CAMSAP1: variants seen among roughly 807,000 people sequenced by gnomAD.
CAMSAP1 encodes the protein calmodulin regulated spectrin associated protein 1.
In CAMSAP1, 58 loss-of-function variants were observed where a neutral mutation model predicts 143.5. The ratio of observed to expected loss-of-function variants is 0.40; its 90% CI spans 0.33 to 0.50. The LOEUF (loss-of-function observed/expected upper bound fraction) is 0.50, where lower values mean the gene tolerates loss of function less well. Ranked by LOEUF, CAMSAP1 falls within the 20% of genes least tolerant of loss-of-function variation. CAMSAP1 has a pLI of 0.45. For synonymous variants in CAMSAP1, 945 were observed against 859.3 expected, an observed-to-expected ratio of 1.10 and a Z score of -1.74; for missense variants, 1,969 against 2,115.7, an observed-to-expected ratio of 0.93 and a Z score of 1.36.
chr9:135,868,125 G>GA (rs921221261), intron 3 of CAMSAP1, among the ~76,000 whole-genome samples: 4,412 of 135,556 alleles, frequency 0.033, 122 homozygotes, highest in African/African-American at 0.074. Flanking sequence ...GTCTTTTTCA[G>GA]AAAAAAAAAC....
At chr9:135,891,921 A>T (rs1259926011) in intron 1 of CAMSAP1, among the ~76,000 whole-genome samples, 4 of 152,346 alleles carry the variant, frequency 2.6e-5, no homozygotes, top group East Asian at 1.9e-4. Flanking sequence ...GGATGCGCTC[A>T]ACAGAATGGC....
At chr9:135,836,353 C>T in intron 7 of CAMSAP1, 1 of 984,086 alleles carries the variant, frequency 1.0e-6, no homozygotes, top group African/African-American at 1.8e-5. Context: ...CGCAGCCACA[C>T]ATCACCACAT....
In CAMSAP1 at chr9:135,820,823, G is replaced by A; in HGVS notation, c.3822+16C>T. The A allele has an allele frequency of 6.2e-7, 1 of 1,609,970 alleles. No individual in the cohort carries two copies. Among genetic ancestry groups the A allele is most frequent in the Non-Finnish European group, 8.5e-7 (1 of 1,179,020 alleles). ...CACATCACGAGTGCCTGAAACAGAT[G>A]CTACCAATCCCTTACCTTGAAGAAG... On this transcript the variant is annotated intron_variant, in intron 11 of 16. Coordinates refer to ENST00000389532, the MANE Select transcript of CAMSAP1 (RefSeq NM_015447.4). The surrounding 1 kb of genome is among the most constrained non-coding windows in gnomAD (Gnocchi z 4.4).
In CAMSAP1 at chr9:135,822,446, C is replaced by G; in HGVS notation, c.2215G>C (p.Asp739His). 2 of 1,613,586 alleles carry G rather than the reference C, an allele frequency of 1.2e-6. No individual in the cohort carries two copies. The highest frequency in any genetic ancestry group is 1.7e-6 in the Non-Finnish European group (2 of 1,179,890). The change falls in exon 11 of 17, where the codon GAC becomes CAC. Residue 739 changes from aspartate (D) to histidine (H), a missense_variant. By Grantham distance (81) the Asp-to-His change is moderately conservative. This residue lies in a region of CAMSAP1 where 1,390 missense variants were observed against 1,420.8 expected (regional missense o/e 0.98). Transcript: ENST00000389532. This position sits in a 1 kb window ranked among gnomAD's most constrained non-coding sequence, Gnocchi z 6.1. ...EPWTLLRQDS[D>H]SDVVDIEEAE... ...TCCTCTATGTCCACCACATCCGAGT[C>G]AGAATCCTGCCTGAGGAGAGTCCAC...
rs973524079 is a variant in CAMSAP1 at position 135,836,747 on chromosome 9, A to G, written c.1046-9163T>C. 7.2e-6 allele frequency: 7 copies of G among 976,770 alleles called. No homozygotes were observed. In the African/African-American group the frequency reaches 1.2e-4, roughly 17 times the overall value. 60.5% of individuals were successfully genotyped at this position (976,770 alleles called of 1,614,324 possible). A position where few individuals can be genotyped will look rare whatever the true frequency, so the allele number is the denominator to read the frequency against. On this transcript the variant is annotated intron_variant, in intron 7 of 16. Coordinates refer to ENST00000389532, the MANE Select transcript of CAMSAP1 (RefSeq NM_015447.4). ...CGCACTTTCTACCCATTCCACAGCC[A>G]CACATTGTCACGTACCTTCTACCCT...
chr9:135,819,558 A>C (rs1353841131), intron 11 of CAMSAP1, among the ~76,000 whole-genome samples: 2 of 149,226 alleles, frequency 1.3e-5, no homozygotes, highest in Non-Finnish European at 3.0e-5. Flanking sequence ...AATTGGCTAG[A>C]TGTGGTGGCT....
At chr9:135,852,696 C>T (rs1418265846) in intron 5 of CAMSAP1, among the ~76,000 whole-genome samples, 1 of 152,190 alleles carries the variant, frequency 6.6e-6, no homozygotes, top group Non-Finnish European at 1.5e-5. Context: ...GAACCAAAAC[C>T]ACACTGTTTT....
rs181717362 is a variant in CAMSAP1, at chr9:135,823,301, C to T, written c.1401-41G>A. The T allele has an allele frequency of 5.3e-6, 8 of 1,514,924 alleles. No individual in the cohort carries two copies. The African/African-American group carries it at 9.8e-5, about 18-fold the overall frequency. The allele number at this position is 1,514,924 out of a possible 1,614,324, so 93.8% of individuals were successfully genotyped here. ...GGCCCACTGGGTGCGCTGCGGTATA[C>T]ACCAAAGACCCCCAACATGGACCAG... On this transcript the variant is annotated intron_variant, in intron 10 of 16. Transcript: ENST00000389532.
intron 1 of CAMSAP1, among the ~76,000 whole-genome samples, chr9:135,896,808 A>G (rs369546623): frequency 5.4e-4 from 82 of 152,290 alleles, no homozygotes; most frequent in Middle Eastern, 3.4e-3. Context: ...CTAATCCCCA[A>G]TGTGGCAGTG....
At chr9:135,906,892 C>T in intron 1 of CAMSAP1, 108 bp downstream of exon 1, 2 of 652,672 alleles carry the variant, frequency 3.1e-6, no homozygotes, top group African/African-American at 2.0e-5. Context: ...TGTGCGGACG[C>T]GGCACAAAGG....
Position 135,900,702 on chromosome 9 carries a change from A to G in CAMSAP1, c.160+6298T>C, listed in dbSNP as rs187562824. 6.3e-3 allele frequency among the ~76,000 whole-genome samples: 965 copies of G among 152,140 alleles called. 5 individuals are homozygous for G. The highest frequency in any genetic ancestry group is 0.022 in the African/African-American group (897 of 41,538). On this transcript the variant is annotated intron_variant, in intron 1 of 16. Coordinates refer to ENST00000389532, the MANE Select transcript of CAMSAP1 (RefSeq NM_015447.4). ...AGAGCGAGATTCCGTCTCAAAAAAA[A>G]GAAAGAGAGGACTAGGTGGGAGCTC...
At position 135,811,198 on chromosome 9, in the gene CAMSAP1, C is replaced by T. The variant is rs987259524; in HGVS notation, c.*111G>A. 8.6e-6 allele frequency: 11 copies of T among 1,272,082 alleles called. No homozygotes were observed. The highest frequency in any genetic ancestry group is 1.2e-5 in the Non-Finnish European group (11 of 929,940). The allele number at this position is 1,272,082 out of a possible 1,614,324, so 78.8% of individuals were successfully genotyped here. Reference sequence around the variant, plus strand: ...GGTCTGTGACTTTGCACACTTCGTACCCAAATAGATGAAAACAATAAATAA... The same window carrying T: ...GGTCTGTGACTTTGCACACTTCGTATCCAAATAGATGAAAACAATAAATAA... On this transcript the variant is annotated 3_prime_UTR_variant, in exon 17 of 17. Coordinates refer to ENST00000389532, the MANE Select transcript of CAMSAP1 (RefSeq NM_015447.4). The surrounding 1 kb of genome is among the most constrained non-coding windows in gnomAD (Gnocchi z 4.9).
chr9:135,873,311 T>C (rs1175314652), intron 3 of CAMSAP1, among the ~76,000 whole-genome samples: 1 of 152,188 alleles, frequency 6.6e-6, no homozygotes, highest in Non-Finnish European at 1.5e-5. Context: ...AAATATATAA[T>C]GCACGGCTGA....
intron 1 of CAMSAP1, among the ~76,000 whole-genome samples, chr9:135,895,142 C>CA (rs1476432939): frequency 6.6e-6 from 1 of 152,174 alleles, no homozygotes; most frequent in Non-Finnish European, 1.5e-5. Context: ...AGGGTTCTAT[C>CA]ACCGGAGCCC....
intron 5 of CAMSAP1, among the ~76,000 whole-genome samples, chr9:135,854,293 G>A (rs1459707580): frequency 6.6e-6 from 1 of 152,178 alleles, no homozygotes. Context: ...AACACATATG[G>A]CACACAAATA....
intron 7 of CAMSAP1, chr9:135,836,669 A>G (rs1836057149): frequency 1.0e-6 from 1 of 977,922 alleles, no homozygotes; most frequent in African/African-American, 1.9e-5. Context: ...ACCCCGTTCT[A>G]CAGACACACG....
Position 135,822,724 on chromosome 9 carries a change from A to G in CAMSAP1, c.1937T>C (p.Leu646Ser). 1.2e-6 allele frequency: 2 copies of G among 1,612,310 alleles called. No individual in the cohort carries two copies. The highest frequency in any genetic ancestry group is 1.7e-6 in the Non-Finnish European group (2 of 1,179,022). ...VRRKMTGSRDLNRTFTPIPCS... is the reference protein window; with the variant it reads ...VRRKMTGSRDSNRTFTPIPCS... Reference sequence around the variant, plus strand: ...TGGAATCGGGGTAAAAGTCCTATTCAAGTCGCGACTGCCAGTCATTTTCCT... The same window carrying G: ...TGGAATCGGGGTAAAAGTCCTATTCGAGTCGCGACTGCCAGTCATTTTCCT... The change falls in exon 11 of 17, where the codon TTG becomes TCG. Residue 646 changes from leucine to serine, a missense_variant. By Grantham distance (145) the Leu-to-Ser change is moderately radical. Transcript: ENST00000389532. This position sits in a 1 kb window ranked among gnomAD's most constrained non-coding sequence, Gnocchi z 6.1.
intron 1 of CAMSAP1, among the ~76,000 whole-genome samples, chr9:135,884,090 C>T (rs1425330037): frequency 2.0e-5 from 3 of 152,182 alleles, no homozygotes; most frequent in Non-Finnish European, 4.4e-5. Flanking sequence ...TTCGGAAACA[C>T]GTGACCCCCA....
At chr9:135,831,250 A>C (rs1314115580) in intron 7 of CAMSAP1, among the ~76,000 whole-genome samples, 1 of 152,244 alleles carries the variant, frequency 6.6e-6, no homozygotes, top group Non-Finnish European at 1.5e-5. Context: ...CCATTGAGTA[A>C]AAAAGGAAAT....
Sources: allele counts gnomAD v4.1 joint callset (sites outside exome capture counted in the v4.1 genomes callset), GRCh38; gene constraint gnomAD v4.1.1; regional missense constraint gnomAD v4.1.1; non-coding constraint Gnocchi (gnomAD v3.1); transcripts MANE v1.5; gene names NCBI Gene and HGNC (gene_info 2026-07-23, HGNC 2026-07-21).